Variants in REXO5 observed in about 807,000 individuals in gnomAD.
REXO5 encodes the protein exonuclease NEF-sp.
Under a neutral mutation model 88.5 loss-of-function variants are expected in REXO5, and 48 were observed. The observed-to-expected ratio is 0.54, with a 90% confidence interval of 0.43 to 0.69. The LOEUF (loss-of-function observed/expected upper bound fraction) is 0.69. Ranked by LOEUF, REXO5 falls within the 30% of genes least tolerant of loss-of-function variation. REXO5 has a pLI of 0.00. For missense variants in REXO5, 749 were observed against 912.2 expected (o/e 0.82, Z 2.30); for synonymous variants, 311 against 336.5 (o/e 0.92, Z 0.83).
At position 20,827,359 on chromosome 16, in the gene REXO5, C is replaced by G. The variant is rs748387286; in HGVS notation, c.967C>G (p.His323Asp). 6.2e-7 allele frequency: 1 copy of G among 1,611,478 alleles called. No homozygotes were observed. Among genetic ancestry groups the G allele is most frequent in the Non-Finnish European group, 8.5e-7 (1 of 1,178,232 alleles). Residue 323 changes from histidine (H) to aspartate (D), a missense_variant, in exon 10 of 20, where the codon CAT becomes GAT. Transcript: ENST00000261377. ...DLDLRALKMIHPYVIDTSLLY... is the reference protein window; with the variant it reads ...DLDLRALKMIDPYVIDTSLLY... ...TATTCTCTTTCTTCCTCAGATGATACATCCATATGTTATTGATACATCGTT... is the reference window on the plus strand; with the variant it reads ...TATTCTCTTTCTTCCTCAGATGATAGATCCATATGTTATTGATACATCGTT...
intron 13 of REXO5, 31 bp from the exon 14 acceptor site, chr16:20,839,724 T>C (rs1463758728): frequency 6.7e-7 from 1 of 1,497,950 alleles, no homozygotes. Context: ...ATGAGGTTCC[T>C]ACCTTATCCA....
intron 2 of REXO5, 100 bp downstream of exon 2, chr16:20,807,191 C>T (rs1596558293): frequency 1.4e-6 from 2 of 1,384,066 alleles, no homozygotes; most frequent in East Asian, 2.5e-5. Flanking sequence ...GCGGGCTCTC[C>T]GCCCTGGCCT....
In REXO5 at chr16:20,845,082, G is replaced by A. The variant is rs1320035814; in HGVS notation, c.1965G>A (p.Gln655=). 1.2e-6 allele frequency: 2 copies of A among 1,614,102 alleles called. No homozygotes were observed. Among genetic ancestry groups the A allele is most frequent in the African/African-American group, 1.3e-5 (1 of 75,052 alleles). The change falls in exon 18 of 20, where the codon CAG becomes CAA. Residue 655 remains glutamine, a synonymous_variant. Transcript: ENST00000261377. The part of the protein sequence containing the change: ...LKFKSFGSAQ[Q]ALNILTGKDW... Reference sequence around the variant, plus strand: ...TCAAAAGTTTTGGCAGTGCCCAGCAGGCCCTCAACATTCTCACAGGCAAGG... The same window carrying A: ...TCAAAAGTTTTGGCAGTGCCCAGCAAGCCCTCAACATTCTCACAGGCAAGG...
intron 18 of REXO5, 81 bp from the exon 19 acceptor site, chr16:20,846,140 G>A: frequency 9.3e-7 from 1 of 1,077,184 alleles, no homozygotes; most frequent in Non-Finnish European, 1.4e-6. Flanking sequence ...AGCCTTAGAG[G>A]CAGAGGAAGA....
intron 18 of REXO5, 88 bp downstream of exon 18, chr16:20,845,329 C>T (rs2081591198): frequency 8.4e-7 from 1 of 1,195,270 alleles, no homozygotes. Context: ...TTTTTCTACC[C>T]TGGCCCTCAG....
At chr16:20,843,475 G>A (rs1018400209) in intron 15 of REXO5, among the ~76,000 whole-genome samples, 5 of 152,070 alleles carry the variant, frequency 3.3e-5, no homozygotes, top group Non-Finnish European at 5.9e-5. Flanking sequence ...CTTTTCTATG[G>A]GAAGGCTTTT....
intron 6 of REXO5, among the ~76,000 whole-genome samples, chr16:20,822,879 T>C (rs2081205388): frequency 6.6e-6 from 1 of 152,240 alleles, no homozygotes; most frequent in Non-Finnish European, 1.5e-5. Context: ...TGTGGGCACA[T>C]GCTTTCATTT....
At chr16:20,817,074 AG>A (rs2081092165) in intron 5 of REXO5, among the ~76,000 whole-genome samples, 1 of 152,218 alleles carries the variant, frequency 6.6e-6, no homozygotes, top group South Asian at 2.1e-4. Context: ...GCATATAGTA[AG>A]GTTAGGTATT....
chr16:20,821,747 T>C lies in REXO5; in HGVS notation c.476-15T>C. 1 of 1,561,842 alleles carries C rather than the reference T, an allele frequency of 6.4e-7. No individual in the cohort carries two copies. ...AACACACATTCTAATATACGTTCAA[T>C]TGTTTTTCTTTCAGGGCCTTTACCT... On this transcript the variant is annotated splice_polypyrimidine_tract_variant and intron_variant, in intron 5 of 19. Coordinates refer to ENST00000261377, the MANE Select transcript of REXO5 (RefSeq NM_030941.3).
chr16:20,842,041 G>A (rs1475515657), intron 15 of REXO5, among the ~76,000 whole-genome samples: 1 of 152,168 alleles, frequency 6.6e-6, no homozygotes, highest in African/African-American at 2.4e-5. Context: ...GGTTGCGGGG[G>A]TGGCGGGTAA....
At chr16:20,834,678 G>T (rs773954839) in intron 13 of REXO5, among the ~76,000 whole-genome samples, 1 of 151,766 alleles carries the variant, frequency 6.6e-6, no homozygotes, top group Non-Finnish European at 1.5e-5. Flanking sequence ...TTTTATTTTA[G>T]ATTGTTTCCG....
rs374092187 is a variant in REXO5 at position 20,845,157 on chromosome 16, C to T, written c.2040C>T (p.Ala680=). Residue 680 remains alanine (A), a synonymous_variant, in exon 18 of 20, where the codon GCC becomes GCT. Coordinates refer to ENST00000261377, the MANE Select transcript of REXO5 (RefSeq NM_030941.3). ...RHALTPRHLH[A]WLRGLPPEST... ...CCCTAACCCCCAGGCACCTCCATGCCTGGCTCAGAGGCTTACCACCTGAAT... is the reference window on the plus strand; with the variant it reads ...CCCTAACCCCCAGGCACCTCCATGCTTGGCTCAGAGGCTTACCACCTGAAT... 9.3e-6 allele frequency: 15 copies of T among 1,614,146 alleles called. No homozygotes were observed. The highest frequency in any genetic ancestry group is 1.3e-5 in the Non-Finnish European group (15 of 1,180,032).
At chr16:20,841,823 C>G (rs1174222459) in intron 15 of REXO5, among the ~76,000 whole-genome samples, 1 of 152,028 alleles carries the variant, frequency 6.6e-6, no homozygotes, top group Non-Finnish European at 1.5e-5. Context: ...CCAGGCTGGT[C>G]GCGAACTCCT....
chr16:20,849,369 A>C, intron 19 of REXO5, 30 bp from the exon 20 acceptor site: 1 of 1,593,966 alleles, frequency 6.3e-7, no homozygotes, highest in East Asian at 2.2e-5. Flanking sequence ...TTATGGATAA[A>C]AACATACCTT....
At chr16:20,807,163 C>G in intron 2 of REXO5, 72 bp downstream of exon 2, 1 of 1,519,784 alleles carries the variant, frequency 6.6e-7, no homozygotes, top group Non-Finnish European at 8.9e-7. Context: ...CAACCGCCGT[C>G]GGGGGCACTG....
intron 12 of REXO5, 127 bp from the exon 13 acceptor site, chr16:20,832,876 T>C: frequency 1.2e-6 from 1 of 827,018 alleles, no homozygotes; most frequent in South Asian, 2.7e-5. Context: ...TTTAATTTTA[T>C]TTAATTTTAA....
chr16:20,836,946 CTT>C (rs1047066276), intron 13 of REXO5, among the ~76,000 whole-genome samples: 1 of 152,208 alleles, frequency 6.6e-6, no homozygotes, highest in Non-Finnish European at 1.5e-5. Flanking sequence ...CTGTTCAACT[CTT>C]TTGCCCATTT....
rs2080886718 is a variant in REXO5 at position 20,806,824 on chromosome 16, T to C, written c.-3+119T>C. On this transcript the variant is annotated intron_variant, in intron 1 of 19. Transcript: ENST00000261377. ...GGGGAACGGGGATAGTTCGGTAAAC[T>C]GAATTGAGAAGCGGATCCGAGGGAG... 13 of 1,377,874 alleles carry C rather than the reference T, an allele frequency of 9.4e-6. No individual in the cohort carries two copies. The African/African-American group carries it at 1.8e-4, about 19-fold the overall frequency. The allele number at this position is 1,377,874 out of a possible 1,614,324, so 85.4% of individuals were successfully genotyped here. A position where few individuals can be genotyped will look rare whatever the true frequency, so the allele number is the denominator to read the frequency against.
At chr16:20,825,765 A>T in intron 7 of REXO5, 68 bp from the exon 8 acceptor site, 1 of 1,087,470 alleles carries the variant, frequency 9.2e-7, no homozygotes, top group Non-Finnish European at 1.4e-6. Flanking sequence ...CAGTTGACAT[A>T]GTGTAAATAG....
Sources: gnomAD v4.1 joint callset for allele counts (sites outside exome capture counted in the v4.1 genomes callset) on GRCh38, gnomAD v4.1.1 for gene constraint, MANE v1.5 for transcripts, NCBI Gene and HGNC (gene_info 2026-07-23, HGNC 2026-07-21) for gene names.